The following CFAP96 variants were observed in gnomAD, a reference collection of about 807,000 sequenced individuals.
CFAP96 encodes cilia-and flagella-associated protein 96.
At chr4:185,440,456 T>C in the CFAP96 span, 3 of 819,620 alleles carry the variant, frequency 3.7e-6, no homozygotes, top group South Asian at 3.7e-5. Flanking sequence ...ATCATATTTA[T>C]ATTAAAATGT....
At chr4:185,423,713 CAGGTAGTTGATGAT>C in the CFAP96 span, among the ~76,000 whole-genome samples, 2 of 152,020 alleles carry the variant, frequency 1.3e-5, no homozygotes, top group African/African-American at 4.8e-5. Flanking sequence ...TATACTGTTT[CAGGTAGTTGATGAT>C]ATATCACAAA....
chr4:185,438,675 A>G, the CFAP96 span, among the ~76,000 whole-genome samples: 1 of 152,174 alleles, frequency 6.6e-6, no homozygotes, highest in Non-Finnish European at 1.5e-5. Context: ...TTGTATTCTT[A>G]TAAATATTCT....
At chr4:185,425,828 G>A in the CFAP96 span, 2 of 1,598,166 alleles carry the variant, frequency 1.3e-6, no homozygotes, top group East Asian at 2.3e-5. Context: ...AAAGTCCGGG[G>A]AAAAACACAG....
chr4:185,438,966 T>G, the CFAP96 span, among the ~76,000 whole-genome samples: 1 of 152,370 alleles, frequency 6.6e-6, no homozygotes, highest in East Asian at 1.9e-4. Context: ...TGGCTTTGAA[T>G]AGTTTTCTCA....
At chr4:185,429,374 A>T in the CFAP96 span, 1 of 1,266,386 alleles carries the variant, frequency 7.9e-7, no homozygotes, top group Non-Finnish European at 1.1e-6. Flanking sequence ...AAACTTTTGA[A>T]GTTAGCGGTA....
the CFAP96 span, chr4:185,422,681 T>G: frequency 1.2e-5 from 9 of 726,018 alleles, no homozygotes; most frequent in Admixed American, 3.1e-4. Flanking sequence ...CTTCAAATTA[T>G]TTCATGAGTT....
chr4:185,446,165 C>G, the CFAP96 span, among the ~76,000 whole-genome samples: 2 of 152,172 alleles, frequency 1.3e-5, no homozygotes, highest in Admixed American at 1.3e-4. Flanking sequence ...TGATTGACTA[C>G]TTGTTAAGTT....
At chr4:185,436,077 G>T in the CFAP96 span, 1 of 1,550,580 alleles carries the variant, frequency 6.4e-7, no homozygotes. Context: ...TGGAACAATA[G>T]GTGGTCCAGT....
At chr4:185,421,375 C>T in the CFAP96 span, among the ~76,000 whole-genome samples, 1 of 152,130 alleles carries the variant, frequency 6.6e-6, no homozygotes, top group Non-Finnish European at 1.5e-5. Context: ...ATGTGATCTC[C>T]AATGTTTGAA....
the CFAP96 span, among the ~76,000 whole-genome samples, chr4:185,409,108 G>C: frequency 6.6e-6 from 1 of 152,064 alleles, no homozygotes; most frequent in Non-Finnish European, 1.5e-5. Flanking sequence ...TATAAATGCT[G>C]CTGAATAAAT....
At chr4:185,442,109 C>T in the CFAP96 span, among the ~76,000 whole-genome samples, 2 of 152,002 alleles carry the variant, frequency 1.3e-5, no homozygotes, top group Non-Finnish European at 2.9e-5. Context: ...GCCCAAAAAA[C>T]CCTTTTAAGT....
the CFAP96 span, among the ~76,000 whole-genome samples, chr4:185,445,771 G>A: frequency 6.6e-6 from 1 of 152,216 alleles, no homozygotes; most frequent in East Asian, 1.9e-4. Flanking sequence ...AACACTTGGG[G>A]ACAGCAATTA....
At chr4:185,412,832 T>C in the CFAP96 span, among the ~76,000 whole-genome samples, 7 of 152,246 alleles carry the variant, frequency 4.6e-5, no homozygotes, top group African/African-American at 1.7e-4. Flanking sequence ...CCAGCTCTAT[T>C]GGTATTCCTA....
the CFAP96 span, chr4:185,432,185 A>G: frequency 6.4e-7 from 1 of 1,551,308 alleles, no homozygotes; most frequent in Non-Finnish European, 8.7e-7. Flanking sequence ...CCTCCCTAGT[A>G]ATGGAGAGAA....
chr4:185,435,960 A>T, the CFAP96 span: 1 of 1,063,534 alleles, frequency 9.4e-7, no homozygotes, highest in Non-Finnish European at 1.3e-6. Flanking sequence ...TCTTTTTTTC[A>T]ATCTGTTTAA....
chr4:185,443,491 G>C, the CFAP96 span, among the ~76,000 whole-genome samples: 1 of 151,044 alleles, frequency 6.6e-6, no homozygotes, highest in African/African-American at 2.4e-5. Flanking sequence ...TGGGATTACA[G>C]GAGTGTGCCA....
At chr4:185,426,245 G>T in the CFAP96 span, 1 of 256,788 alleles carries the variant, frequency 3.9e-6, no homozygotes, top group Non-Finnish European at 7.8e-6. Context: ...CAGCTGTGGT[G>T]GAACGTGCAG....
At chr4:185,408,503 C>T in the CFAP96 span, 13 of 1,459,180 alleles carry the variant, frequency 8.9e-6, no homozygotes, top group Middle Eastern at 1.9e-4. Flanking sequence ...ATATATGCTC[C>T]CGAATTATGT....
At chr4:185,430,275 G>C in the CFAP96 span, among the ~76,000 whole-genome samples, 3 of 152,108 alleles carry the variant, frequency 2.0e-5, no homozygotes, top group South Asian at 2.1e-4. Flanking sequence ...TCAATTTTTG[G>C]ATATCCAATT....
Sources: allele counts gnomAD v4.1 joint callset (sites outside exome capture counted in the v4.1 genomes callset), GRCh38; gene constraint gnomAD v4.1.1; transcripts MANE v1.5; gene names NCBI Gene and HGNC (gene_info 2026-07-23, HGNC 2026-07-21).